Variants in GTF3C5 observed in about 807,000 individuals in gnomAD.
The protein encoded by GTF3C5 is general transcription factor IIIC subunit 5, also known as general transcription factor 3C polypeptide 5.
Under a neutral mutation model 61.0 loss-of-function variants are expected in GTF3C5, and 47 were observed. The observed-to-expected ratio is 0.77, with a 90% CI of 0.61 to 0.98. The LOEUF (loss-of-function observed/expected upper bound fraction) is 0.98, where lower values mean the gene tolerates loss of function less well. Among genes scored for constraint, GTF3C5 ranks in the 50% least tolerant of loss-of-function variants. The pLI, the probability that GTF3C5 is intolerant of heterozygous loss-of-function variation, is 0.00. For missense variants in GTF3C5, 659 were observed against 703.3 expected, an observed-to-expected ratio of 0.94 and a Z score of 0.71; for synonymous variants, 295 against 275.4, an observed-to-expected ratio of 1.07 and a Z score of -0.71.
At chr9:133,048,594 A>T (rs1192904396) in intron 3 of GTF3C5, among the ~76,000 whole-genome samples, 14 of 152,022 alleles carry the variant, frequency 9.2e-5, no homozygotes, top group Admixed American at 8.5e-4. Context: ...GCTTGAACCC[A>T]GGATGTGGAG....
At chr9:133,052,004 G>A in intron 4 of GTF3C5, 56 bp from the exon 5 acceptor site, 2 of 924,562 alleles carry the variant, frequency 2.2e-6, no homozygotes, top group Non-Finnish European at 3.4e-6. Flanking sequence ...GGAGTTCAGG[G>A]CCGAAGGGTG....
At chr9:133,035,911 C>G (rs1849848863) in intron 1 of GTF3C5, among the ~76,000 whole-genome samples, 2 of 152,130 alleles carry the variant, frequency 1.3e-5, no homozygotes, top group Non-Finnish European at 2.9e-5. Flanking sequence ...CAAATTTTTC[C>G]AAAGGTATGA....
In GTF3C5 at chr9:133,031,079, G is replaced by C. The variant is rs904641279; in HGVS notation, c.68G>C (p.Arg23Pro). Reference protein sequence around the residue: ...AVPVELRRERRMVCVEYPGVV... With the variant: ...AVPVELRRERPMVCVEYPGVV... ...CCCGTGGAGCTGAGGCGGGAGCGACGCATGGTGTGCGTGGAGTACCCGGGA... is the reference window on the plus strand; with the variant it reads ...CCCGTGGAGCTGAGGCGGGAGCGACCCATGGTGTGCGTGGAGTACCCGGGA... Residue 23 changes from arginine (R) to proline (P), a missense_variant, in exon 1 of 11, where the codon CGC becomes CCC. By Grantham distance (103) the Arg-to-Pro change is moderately radical. Transcript: ENST00000372097. The C allele has an allele frequency of 9.3e-6, 15 of 1,610,008 alleles. No homozygotes were observed. The highest frequency in any genetic ancestry group is 1.3e-5 in the Non-Finnish European group (15 of 1,178,014).
At chr9:133,032,697 C>T (rs901575700) in intron 1 of GTF3C5, among the ~76,000 whole-genome samples, 4 of 152,116 alleles carry the variant, frequency 2.6e-5, no homozygotes, top group Admixed American at 2.0e-4. Flanking sequence ...TTTGTATTAA[C>T]CCTCAGGCAC....
intron 9 of GTF3C5, 94 bp from the exon 10 acceptor site, chr9:133,056,672 A>G (rs969961136): frequency 4.0e-6 from 5 of 1,239,680 alleles, no homozygotes; most frequent in African/African-American, 3.1e-5. Context: ...CTTTGATCTC[A>G]GTACAGCTCT....
chr9:133,055,795 C>T, intron 8 of GTF3C5: 2 of 1,375,992 alleles, frequency 1.5e-6, no homozygotes, highest in Non-Finnish European at 9.4e-7. Flanking sequence ...CCCAGGAGGG[C>T]CTGGGTGCTC....
intron 9 of GTF3C5, among the ~76,000 whole-genome samples, 179 bp downstream of exon 9, chr9:133,056,273 C>G (rs1829936123): frequency 6.6e-6 from 1 of 152,168 alleles, no homozygotes; most frequent in African/African-American, 2.4e-5. Context: ...GAGGCGGTGC[C>G]CTATAGAAAG....
chr9:133,054,913 A>T, intron 8 of GTF3C5, 104 bp downstream of exon 8: 1 of 1,544,366 alleles, frequency 6.5e-7, no homozygotes, highest in Non-Finnish European at 8.8e-7. Context: ...AGCTCTGCCC[A>T]CCGGGGCCTC....
chr9:133,057,059 G>C (rs1356285456), intron 10 of GTF3C5, 151 bp downstream of exon 10: 3 of 748,362 alleles, frequency 4.0e-6, no homozygotes, highest in African/African-American at 3.7e-5. Flanking sequence ...TTGTGAGCCA[G>C]AGCCCAGCCC....
At chr9:133,031,971 G>A (rs879458224) in intron 1 of GTF3C5, among the ~76,000 whole-genome samples, 7 of 152,048 alleles carry the variant, frequency 4.6e-5, no homozygotes, top group African/African-American at 1.7e-4. Context: ...AGAACGAGGG[G>A]TTAAACTTTA....
chr9:133,055,554 G>T, intron 8 of GTF3C5: 1 of 985,444 alleles, frequency 1.0e-6, no homozygotes, highest in Non-Finnish European at 1.2e-6. Flanking sequence ...AGAACTACAT[G>T]GCTGGGTACG....
In GTF3C5 at chr9:133,042,305, G is replaced by A. The variant is rs1014728931; in HGVS notation, c.372G>A (p.Gln124=). The change falls in exon 2 of 11, where the codon CAG becomes CAA. Residue 124 remains glutamine (Q), a splice_region_variant and synonymous_variant. Transcript: ENST00000372097. Reference sequence around the variant, plus strand: ...TCATCTCCACCATTTACAAATTTCAGGGTAACTGAAATCTGCTCTTGCAAT... The same window carrying A: ...TCATCTCCACCATTTACAAATTTCAAGGTAACTGAAATCTGCTCTTGCAAT... ...LGIISTIYKF[Q]GMSDFQYLAV... 1.3e-6 allele frequency: 2 copies of A among 1,590,748 alleles called. No individual in the cohort carries two copies. Among genetic ancestry groups the A allele is most frequent in the African/African-American group, 1.3e-5 (1 of 74,428 alleles).
rs756269548 is a variant in GTF3C5, at chr9:133,056,758, A to G, written c.1251-8A>G. 2 of 1,587,846 alleles carry G rather than the reference A, an allele frequency of 1.3e-6. No individual in the cohort carries two copies. Among genetic ancestry groups the G allele is most frequent in the East Asian group, 4.6e-5 (2 of 43,454 alleles). ...GACTTTATGTCCCAACCCTCTCCCC[A>G]CCCCCAGGTTGCAGAAGATCATTCA... is the stretch of plus-strand genomic sequence containing the variant. On this transcript the variant is annotated splice_polypyrimidine_tract_variant and splice_region_variant and intron_variant, in intron 9 of 10. Transcript: ENST00000372097.
chr9:133,050,182 T>G (rs1446826776), intron 3 of GTF3C5, among the ~76,000 whole-genome samples: 1 of 152,120 alleles, frequency 6.6e-6, no homozygotes, highest in Non-Finnish European at 1.5e-5. Context: ...GAGTCCCAGC[T>G]CCTTCCCAGG....
rs780114355 is a variant in GTF3C5, at chr9:133,056,844, C to A, written c.1329C>A (p.Thr443=). ...TERDGWCLPK[T]SDELRDTMSL... Reference sequence around the variant, plus strand: ...GGGATGGGTGGTGCCTCCCCAAGACCAGCGACGAGCTCAGGGACACCATGT... The same window carrying A: ...GGGATGGGTGGTGCCTCCCCAAGACAAGCGACGAGCTCAGGGACACCATGT... Residue 443 remains threonine (T), a synonymous_variant, in exon 10 of 11, where the codon ACC becomes ACA. Transcript: ENST00000372097. The A allele has an allele frequency of 6.2e-7, 1 of 1,612,124 alleles. No homozygotes were observed. The highest frequency in any genetic ancestry group is 8.5e-7 in the Non-Finnish European group (1 of 1,179,218).
At chr9:133,054,002 G>T in intron 6 of GTF3C5, 60 bp downstream of exon 6, 1 of 1,070,120 alleles carries the variant, frequency 9.3e-7, no homozygotes, top group Non-Finnish European at 1.4e-6. Flanking sequence ...TCAGTTTCTA[G>T]CATTCTCTTT....
At chr9:133,043,692 A>C (rs775712601) in intron 2 of GTF3C5, 36 bp from the exon 3 acceptor site, 1 of 1,551,198 alleles carries the variant, frequency 6.4e-7, no homozygotes, top group South Asian at 1.1e-5. Context: ...CCATTCCTGG[A>C]CTCAATGTCT....
chr9:133,048,777 C>A (rs1588473612), intron 3 of GTF3C5, among the ~76,000 whole-genome samples: 1 of 152,248 alleles, frequency 6.6e-6, no homozygotes, highest in Non-Finnish European at 1.5e-5. Context: ...TGTTTCCAGC[C>A]CCTGGGGTAA....
intron 3 of GTF3C5, among the ~76,000 whole-genome samples, chr9:133,045,427 C>T (rs760193908): frequency 1.7e-4 from 26 of 152,178 alleles, no homozygotes; most frequent in Non-Finnish European, 3.2e-4. Context: ...TCTAAAATGA[C>T]GCACAAAAAG....
Sources: allele counts gnomAD v4.1 joint callset (sites outside exome capture counted in the v4.1 genomes callset), GRCh38; gene constraint gnomAD v4.1.1; transcripts MANE v1.5; gene names NCBI Gene and HGNC (gene_info 2026-07-23, HGNC 2026-07-21).